The following COL5A1 variants were observed in gnomAD, a reference collection of about 807,000 sequenced individuals.
COL5A1 encodes the protein collagen type V alpha 1 chain.
A neutral mutation model predicts 263.7 loss-of-function variants in COL5A1; 16 were observed. The ratio of observed to expected loss-of-function variants is 0.06; its 90% CI spans 0.04 to 0.09. The LOEUF is 0.09. COL5A1 is among the 10% of genes least tolerant of loss of function. The pLI, the probability that COL5A1 is intolerant of heterozygous loss-of-function variation, is 1.00. For synonymous variants in COL5A1, 1,012 were observed against 1,004.5 expected, an observed-to-expected ratio of 1.01 and a Z score of -0.14; for missense variants, 2,036 against 2,540.5, an observed-to-expected ratio of 0.80 and a Z score of 4.27.
At chr9:134,767,928 G>C (rs1017518575) in intron 24 of COL5A1, among the ~76,000 whole-genome samples, 57 of 152,248 alleles carry the variant, frequency 3.7e-4, no homozygotes, top group African/African-American at 1.4e-3. Context: ...GAGAAACACA[G>C]AGGGCTGGGC....
At chr9:134,702,650 G>T (rs1036903613) in intron 4 of COL5A1, among the ~76,000 whole-genome samples, 1 of 152,232 alleles carries the variant, frequency 6.6e-6, no homozygotes, top group African/African-American at 2.4e-5. Context: ...GGCTTTGAGC[G>T]TGTGAGAAGA....
chr9:134,825,002 G>GCT, intron 62 of COL5A1, 147 bp downstream of exon 62: 1 of 1,170,242 alleles, frequency 8.5e-7, no homozygotes, highest in South Asian at 1.6e-5. Flanking sequence ...GCCGGGGTGC[G>GCT]CAAGAGCCTC....
intron 1 of COL5A1, among the ~76,000 whole-genome samples, chr9:134,662,142 CAAAA>C (rs34491867): frequency 4.1e-5 from 5 of 121,230 alleles, no homozygotes; most frequent in African/African-American, 6.2e-5. Context: ...ATATCTTGGC[CAAAA>C]AAAAAAAAAA....
chr9:134,813,151 T>C (rs1397563010), intron 48 of COL5A1, among the ~76,000 whole-genome samples: 1 of 151,682 alleles, frequency 6.6e-6, no homozygotes, highest in Non-Finnish European at 1.5e-5. Context: ...TTTGATCTGA[T>C]TGGTTTTGGA....
chr9:134,747,118 A>C (rs1016427688), intron 11 of COL5A1, among the ~76,000 whole-genome samples: 1 of 152,190 alleles, frequency 6.6e-6, no homozygotes, highest in African/African-American at 2.4e-5. Flanking sequence ...ACACTTCGGA[A>C]GGGTTCATGG....
At position 134,758,890 on chromosome 9, in the gene COL5A1, G is replaced by A. The variant is rs1423894187; in HGVS notation, c.1935+594G>A. On this transcript the variant is annotated intron_variant, in intron 18 of 65. Transcript: ENST00000371817. This position sits in a 1 kb window ranked among gnomAD's most constrained non-coding sequence, Gnocchi z 4.1. The stretch of plus-strand genomic sequence containing the variant: ...GTGGTTGTTGGAGAACACAGATGCG[G>A]CAGCTTTGGATAAACGGCAACAGCC... Among the ~76,000 whole-genome samples, 1 of 152,142 alleles carries A rather than the reference G, an allele frequency of 6.6e-6. No homozygotes were observed.
At chr9:134,822,830 G>A (rs999853855) in intron 59 of COL5A1, 168 bp from the exon 60 acceptor site, 3 of 804,680 alleles carry the variant, frequency 3.7e-6, no homozygotes, top group Admixed American at 4.0e-5. Flanking sequence ...CACCAGCCAG[G>A]CCCCGACCCT....
rs1352161036 is a variant in COL5A1, at chr9:134,830,049, G to A, written c.5136+5G>A. On this transcript the variant is annotated splice_donor_5th_base_variant and intron_variant, in intron 64 of 65. Coordinates refer to ENST00000371817, the MANE Select transcript of COL5A1 (RefSeq NM_000093.5). ...GAATTCAAGCGTGGGAAACTGGTAA[G>A]GTGGCCTCTGGCGTCTTTGCGGTTG... 6.2e-7 allele frequency: 1 copy of A among 1,614,022 alleles called. No individual in the cohort carries two copies. Among genetic ancestry groups the A allele is most frequent in the Non-Finnish European group, 8.5e-7 (1 of 1,179,962 alleles).
rs1318578744 is a variant in COL5A1 at position 134,642,023 on chromosome 9, G to A, written c.-165G>A. 5 of 612,816 alleles carry A rather than the reference G, an allele frequency of 8.2e-6. No homozygotes were observed. Among genetic ancestry groups the A allele is most frequent in the Non-Finnish European group, 1.2e-5 (5 of 423,332 alleles). The allele number at this position is 612,816 out of a possible 1,614,324, so 38.0% of individuals were successfully genotyped here. On this transcript the variant is annotated 5_prime_UTR_variant, in exon 1 of 66. Coordinates refer to ENST00000371817, the MANE Select transcript of COL5A1 (RefSeq NM_000093.5). The surrounding 1 kb of genome is among the most constrained non-coding windows in gnomAD (Gnocchi z 4.5). ...GCGAGCGCGCCAGCCGCCCCTTCCA[G>A]AACAGCCGCCGCCACAAAGAAGAAC...
At chr9:134,744,368 T>C (rs1188539861) in intron 11 of COL5A1, among the ~76,000 whole-genome samples, 2 of 145,166 alleles carry the variant, frequency 1.4e-5, no homozygotes, top group Non-Finnish European at 3.0e-5. Context: ...CATGCATACA[T>C]GCCCACACAT....
chr9:134,752,726 T>C, intron 14 of COL5A1, 81 bp downstream of exon 14: 2 of 1,164,526 alleles, frequency 1.7e-6, no homozygotes, highest in Non-Finnish European at 2.6e-6. Context: ...CAGTGGCAGG[T>C]GGCCCTGGGG....
At chr9:134,664,979 A>G (rs1353813254) in intron 1 of COL5A1, among the ~76,000 whole-genome samples, 1 of 152,194 alleles carries the variant, frequency 6.6e-6, no homozygotes, top group African/African-American at 2.4e-5. Flanking sequence ...CAGACAGATC[A>G]CTTGAGGTCA....
intron 41 of COL5A1, 102 bp from the exon 42 acceptor site, chr9:134,806,087 T>C (rs1838285725): frequency 2.3e-6 from 2 of 866,252 alleles, no homozygotes; most frequent in African/African-American, 1.7e-5. Context: ...CTGTGGGCTC[T>C]AGAGTGAGCA....
intron 35 of COL5A1, 49 bp from the exon 36 acceptor site, chr9:134,796,799 T>A (rs764651266): frequency 6.4e-7 from 1 of 1,571,084 alleles, no homozygotes; most frequent in Admixed American, 1.7e-5. Flanking sequence ...CGGCAGGAGC[T>A]GCTCGGGAGA....
At chr9:134,656,571 G>A (rs1237969088) in intron 1 of COL5A1, among the ~76,000 whole-genome samples, 1 of 152,166 alleles carries the variant, frequency 6.6e-6, no homozygotes, top group African/African-American at 2.4e-5. Context: ...TGGATGCAAA[G>A]CCCTAGGTGT....
chr9:134,719,284 A>G (rs112362718), intron 4 of COL5A1, among the ~76,000 whole-genome samples: 3 of 152,260 alleles, frequency 2.0e-5, no homozygotes, highest in African/African-American at 7.2e-5. Flanking sequence ...ACATGCATGT[A>G]TACTGTGCAC....
rs373032507 is a variant in COL5A1, at chr9:134,823,043, A to C, written c.4644+10A>C. The C allele has an allele frequency of 1.9e-6, 3 of 1,613,922 alleles. No individual in the cohort carries two copies. The East Asian group carries it at 6.7e-5, about 36-fold the overall frequency. ...TGCTAAGGGCTCCTCGGTAAGTAAC[A>C]TGCTGCCCAGCCAGGCCAATGCCTG... On this transcript the variant is annotated intron_variant, in intron 60 of 65. Coordinates refer to ENST00000371817, the MANE Select transcript of COL5A1 (RefSeq NM_000093.5).
chr9:134,721,292 A>G (rs1438427634), intron 4 of COL5A1, among the ~76,000 whole-genome samples: 1 of 118,426 alleles, frequency 8.4e-6, no homozygotes, highest in African/African-American at 3.3e-5. Flanking sequence ...AGGGCTGCCC[A>G]GGCTCCCCCA....
chr9:134,730,138 C>A, intron 6 of COL5A1, 98 bp from the exon 7 acceptor site: 8 of 1,556,300 alleles, frequency 5.1e-6, no homozygotes, highest in Non-Finnish European at 6.1e-6. Context: ...CAGGCGTTGC[C>A]ACTGAGATGC....
Sources: gnomAD v4.1 joint callset for allele counts (sites outside exome capture counted in the v4.1 genomes callset) on GRCh38, gnomAD v4.1.1 for gene constraint, Gnocchi (gnomAD v3.1) non-coding constraint, MANE v1.5 for transcripts, NCBI Gene and HGNC (gene_info 2026-07-23, HGNC 2026-07-21) for gene names.